Variants in ZDBF2 observed in about 807,000 individuals in gnomAD.
The protein encoded by ZDBF2 is zinc finger DBF-type containing 2, also known as DBF4-type zinc finger-containing protein 2.
A neutral mutation model predicts 9.4 loss-of-function variants in ZDBF2; 6 were observed. The observed-to-expected ratio is 0.64, with a 90% CI of 0.35 to 1.27. The LOEUF is 1.27. ZDBF2 is among the 50% of genes most tolerant of loss of function. ZDBF2 has a pLI of 0.03. For synonymous variants in ZDBF2, 905 were observed against 946.3 expected (o/e 0.96, Z 0.80); for missense variants, 2,697 against 2,766.8 (o/e 0.97, Z 0.57).
Position 206,306,837 on chromosome 2 carries a change from A to C in ZDBF2, c.2309A>C (p.Glu770Ala), listed in dbSNP as rs765962970. ...SVTEQSHLDA[E>A]GKERHIDLED... ...ACTGAGCAGTCTCATCTGGATGCTG[A>C]AGGAAAAGAACGGCACATTGACCTG... Residue 770 changes from glutamate to alanine, a missense_variant, in exon 5 of 5, where the codon GAA becomes GCA. Glu to Ala is a moderately radical substitution (Grantham distance 107, BLOSUM62 -1). Transcript: ENST00000374423. 3.1e-6 allele frequency: 5 copies of C among 1,613,770 alleles called. No individual in the cohort carries two copies. In the African/African-American group the frequency reaches 6.7e-5, roughly 22 times the overall value.
rs1454065771 is a variant in ZDBF2 at position 206,305,412 on chromosome 2, AG to A, written c.887del (p.Gly296AlafsTer3). On this transcript the variant is annotated frameshift_variant, in exon 5 of 5. Transcript: ENST00000374423. LOFTEE classifies it low-confidence loss of function (END_TRUNC). The stretch of plus-strand genomic sequence containing the variant: ...AAATTCCATGAACGCATGGGTACTA[AG>A]GGCTCCTTAAGAGTTAAATCTCCTT... ...GLKFHERMGT[K>X]GSLRVKSPSK... 1.2e-6 allele frequency: 2 copies of A among 1,613,602 alleles called. No homozygotes were observed. Among genetic ancestry groups the A allele is most frequent in the African/African-American group, 1.3e-5 (1 of 75,060 alleles).
In ZDBF2 at chr2:206,304,758, C is replaced by T. The variant is rs574887535; in HGVS notation, c.230C>T (p.Ser77Phe). The T allele has an allele frequency of 6.1e-5, 98 of 1,613,334 alleles. No individual in the cohort carries two copies. The South Asian group carries it at 1.0e-3, about 16-fold the overall frequency. ...ACACATGTGAATACTGGGTCATCGT[C>T]TGAAGTGGTGCATTTGGATGATGCT... is the stretch of plus-strand genomic sequence containing the variant. ...DETHVNTGSS[S>F]EVVHLDDAFS... Residue 77 changes from serine (S) to phenylalanine (F), a missense_variant, in exon 5 of 5, where the codon TCT (serine) becomes TTT (phenylalanine). Around this residue, in one of 3 missense-constraint regions of ZDBF2, gnomAD observed 910 missense variants for 973.6 expected, o/e 0.93. Coordinates refer to ENST00000374423, the MANE Select transcript of ZDBF2 (RefSeq NM_020923.3).
Position 206,305,775 on chromosome 2 carries a change from C to A in ZDBF2, c.1247C>A (p.Ser416Ter). The A allele has an allele frequency of 6.2e-7, 1 of 1,613,704 alleles. No individual in the cohort carries two copies. Among genetic ancestry groups the A allele is most frequent in the South Asian group, 1.1e-5 (1 of 91,072 alleles). Residue 416 changes from serine (S) to a stop codon, truncating the protein, a stop_gained, in exon 5 of 5, where the codon TCA becomes TAA. Coordinates refer to ENST00000374423, the MANE Select transcript of ZDBF2 (RefSeq NM_020923.3). LOFTEE classifies it low-confidence loss of function (END_TRUNC). ...TTTGATTGCAGTTCCTCTTTTCATT[C>A]ACTGACTGACCAATCTAAAGTGAGT... ...MSFDCSSSFH[S>*]LTDQSKVSAK...
intron 3 of ZDBF2, among the ~76,000 whole-genome samples, chr2:206,286,836 T>C (rs542741856): frequency 6.6e-6 from 1 of 152,254 alleles, no homozygotes. Context: ...ATTATTGATA[T>C]GCGAGGAATT....
intron 3 of ZDBF2, among the ~76,000 whole-genome samples, chr2:206,296,609 C>A (rs994134414): frequency 2.6e-5 from 4 of 152,154 alleles, no homozygotes; most frequent in African/African-American, 7.2e-5. Flanking sequence ...AAATTCCCTG[C>A]GGATAATAGG....
intron 4 of ZDBF2, among the ~76,000 whole-genome samples, chr2:206,299,838 T>C (rs1401627321): frequency 6.7e-6 from 1 of 149,866 alleles, no homozygotes; most frequent in East Asian, 2.0e-4. Flanking sequence ...CTGGACGCAG[T>C]GGCTCACGCC....
chr2:206,294,274 A>G (rs995030297), intron 3 of ZDBF2, among the ~76,000 whole-genome samples: 1 of 152,208 alleles, frequency 6.6e-6, no homozygotes, highest in Admixed American at 6.5e-5. Flanking sequence ...ATGCTTGTCA[A>G]CTTTTTATGG....
At position 206,309,807 on chromosome 2, in the gene ZDBF2, C is replaced by G; in HGVS notation, c.5279C>G (p.Thr1760Ser). Residue 1760 changes from threonine (T) to serine (S), a missense_variant, in exon 5 of 5, where the codon ACT becomes AGT. Thr to Ser is a moderately conservative substitution (Grantham distance 58). Coordinates refer to ENST00000374423, the MANE Select transcript of ZDBF2 (RefSeq NM_020923.3). ...FQCAPPLPSD[T>S]DQPQETVKKR... ...TGTGCTCCCCCTCTTCCATCTGATACTGATCAGCCTCAAGAAACTGTTAAG... is the reference window on the plus strand; with the variant it reads ...TGTGCTCCCCCTCTTCCATCTGATAGTGATCAGCCTCAAGAAACTGTTAAG... The G allele has an allele frequency of 6.2e-7, 1 of 1,613,848 alleles. No individual in the cohort carries two copies. The highest frequency in any genetic ancestry group is 8.5e-7 in the Non-Finnish European group (1 of 1,179,852).
At chr2:206,294,933 T>C (rs1294697518) in intron 3 of ZDBF2, among the ~76,000 whole-genome samples, 1 of 152,206 alleles carries the variant, frequency 6.6e-6, no homozygotes, top group Non-Finnish European at 1.5e-5. Context: ...TGTGCATTTG[T>C]CCCCTTTAAT....
chr2:206,305,160 C>T lies in ZDBF2; in HGVS notation c.632C>T (p.Ala211Val), dbSNP rs200047865. 1.9e-6 allele frequency: 3 copies of T among 1,613,730 alleles called. No individual in the cohort carries two copies. Among genetic ancestry groups the T allele is most frequent in the East Asian group, 2.2e-5 (1 of 44,896 alleles). The change falls in exon 5 of 5, where the codon GCT (alanine) becomes GTT (valine). Residue 211 changes from alanine (A) to valine (V), a missense_variant. Transcript: ENST00000374423. ...TANTTSLPPA[A>V]HLDSVSKCDP... ...AATACAACTAGTTTACCACCAGCAG[C>T]TCATTTGGATTCAGTTAGCAAATGT...
intron 1 of ZDBF2, among the ~76,000 whole-genome samples, chr2:206,275,659 A>C (rs1263632048): frequency 1.3e-5 from 2 of 152,060 alleles, no homozygotes; most frequent in Non-Finnish European, 2.9e-5. Context: ...CCCCACCTAA[A>C]GGAAATAGCT....
Position 206,307,354 on chromosome 2 carries a change from A to G in ZDBF2, c.2826A>G (p.Thr942=), listed in dbSNP as rs931531716. Residue 942 remains threonine (T), a synonymous_variant, in exon 5 of 5, where the codon ACA becomes ACG. Coordinates refer to ENST00000374423, the MANE Select transcript of ZDBF2 (RefSeq NM_020923.3). ...CCATTAAAGAAATAAGCCTTCACAC[A>G]AAAGAGCACATGTACTTAGAAAATA... ...EDPIKEISLH[T]KEHMYLENKS... is the part of the protein sequence containing the mutation. 8.7e-6 allele frequency: 14 copies of G among 1,613,150 alleles called. No individual in the cohort carries two copies. The highest frequency in any genetic ancestry group is 1.2e-5 in the Non-Finnish European group (14 of 1,179,714).
rs1692706029 is a variant in ZDBF2, at chr2:206,305,110, C to T, written c.582C>T (p.Ser194=). 1 of 1,613,754 alleles carries T rather than the reference C, an allele frequency of 6.2e-7. No individual in the cohort carries two copies. The highest frequency in any genetic ancestry group is 8.5e-7 in the Non-Finnish European group (1 of 1,179,784). ...CTCCTGCTAGTTGTTTACCTGAAAGCTCTAACGATAGACCAGTTACAGCTA... is the reference window on the plus strand; with the variant it reads ...CTCCTGCTAGTTGTTTACCTGAAAGTTCTAACGATAGACCAGTTACAGCTA... ...CNAPASCLPE[S]SNDRPVTANT... The change falls in exon 5 of 5, where the codon AGC becomes AGT. Residue 194 remains serine (S), a synonymous_variant. Transcript: ENST00000374423.
At position 206,307,813 on chromosome 2, in the gene ZDBF2, C is replaced by A. The variant is rs1396153169; in HGVS notation, c.3285C>A (p.Asp1095Glu). The A allele has an allele frequency of 6.2e-7, 1 of 1,610,646 alleles. No individual in the cohort carries two copies. The highest frequency in any genetic ancestry group is 8.5e-7 in the Non-Finnish European group (1 of 1,178,998). Residue 1095 changes from aspartate (D) to glutamate (E), a missense_variant, in exon 5 of 5, where the codon GAC becomes GAA. Asp to Glu is a conservative substitution (Grantham distance 45). Coordinates refer to ENST00000374423, the MANE Select transcript of ZDBF2 (RefSeq NM_020923.3). ...TTCAGGAAGCGGTTAAAAAAATAGACCAATGGAAGGAAGAGGTTATTGGCC... is the reference window on the plus strand; with the variant it reads ...TTCAGGAAGCGGTTAAAAAAATAGAACAATGGAAGGAAGAGGTTATTGGCC... ...EQLQEAVKKI[D>E]QWKEEVIGLK...
At chr2:206,277,087 CTTATTA>C (rs1691050729) in intron 1 of ZDBF2, among the ~76,000 whole-genome samples, 1 of 151,812 alleles carries the variant, frequency 6.6e-6, no homozygotes, top group African/African-American at 2.4e-5. Flanking sequence ...ATTGTCTTTC[CTTATTA>C]TTATTATTTT....
intron 3 of ZDBF2, among the ~76,000 whole-genome samples, chr2:206,289,734 C>A (rs568597081): frequency 6.6e-6 from 1 of 152,196 alleles, no homozygotes; most frequent in East Asian, 1.9e-4. Flanking sequence ...TGACCCCAGA[C>A]GGCTCCCTCA....
chr2:206,300,415 G>A (rs549673988), intron 4 of ZDBF2, among the ~76,000 whole-genome samples: 2 of 152,150 alleles, frequency 1.3e-5, no homozygotes, highest in African/African-American at 4.8e-5. Context: ...TAGAGTACTG[G>A]CCAGTTAATT....
At chr2:206,299,655 C>T (rs1247109513) in intron 4 of ZDBF2, among the ~76,000 whole-genome samples, 7 of 151,950 alleles carry the variant, frequency 4.6e-5, no homozygotes, top group African/African-American at 1.7e-4. Flanking sequence ...TAAAAAACCA[C>T]AGTACAATGA....
intron 3 of ZDBF2, among the ~76,000 whole-genome samples, chr2:206,291,139 G>A (rs1691870936): frequency 6.6e-6 from 1 of 152,126 alleles, no homozygotes; most frequent in Admixed American, 6.5e-5. Context: ...CGATAGACTA[G>A]GTAGCTTAAA....
Sources: allele counts gnomAD v4.1 joint callset (sites outside exome capture counted in the v4.1 genomes callset), GRCh38; gene constraint gnomAD v4.1.1; regional missense constraint gnomAD v4.1.1; transcripts MANE v1.5; gene names NCBI Gene and HGNC (gene_info 2026-07-23, HGNC 2026-07-21).